Variants in CASK observed in about 807,000 individuals in gnomAD.
CASK encodes calcium/calmodulin dependent serine protein kinase.
A neutral mutation model predicts 82.9 loss-of-function variants in CASK; 4 were observed. The ratio of observed to expected loss-of-function variants is 0.05; its 90% CI spans 0.02 to 0.11. CASK has a LOEUF of 0.11. Ranked by LOEUF, CASK falls within the 10% of genes least tolerant of loss-of-function variation. CASK has a pLI of 1.00. For missense variants in CASK, 358 were observed against 720.9 expected, an observed-to-expected ratio of 0.50 and a Z score of 5.76; for synonymous variants, 259 against 253.5, an observed-to-expected ratio of 1.02 and a Z score of -0.20.
chrX:41,606,147 T>A (rs951918079), intron 12 of CASK, among the ~76,000 whole-genome samples: 7 of 112,810 alleles, frequency 6.2e-5, no homozygotes, highest in Admixed American at 2.8e-4. Flanking sequence ...ATGTAGCCTG[T>A]TAGCTGTGAA....
intron 1 of CASK, among the ~76,000 whole-genome samples, chrX:41,899,965 C>T (rs2072338733): frequency 9.0e-6 from 1 of 110,953 alleles, no homozygotes; most frequent in Non-Finnish European, 1.9e-5. Flanking sequence ...TGAACTCCCA[C>T]AGGGAAGTCT....
chrX:41,916,060 C>A (rs1421887701), intron 1 of CASK, among the ~76,000 whole-genome samples: 1 of 109,580 alleles, frequency 9.1e-6, no homozygotes, highest in Non-Finnish European at 1.9e-5. Flanking sequence ...GCTTGTAATC[C>A]CAGCTTGTTG....
At chrX:41,648,724 G>A (rs1421893215) in intron 8 of CASK, among the ~76,000 whole-genome samples, 1 of 111,587 alleles carries the variant, frequency 9.0e-6, no homozygotes, top group African/African-American at 3.3e-5. Flanking sequence ...CCTTTTTTTT[G>A]TTGTGTCTCT....
intron 12 of CASK, among the ~76,000 whole-genome samples, chrX:41,591,110 T>C (rs367796547): frequency 0.025 from 2,778 of 111,747 alleles, 96 homozygotes; most frequent in African/African-American, 0.085. Context: ...TTGTGGCTCG[T>C]CCACAAAAGT....
At chrX:41,900,854 T>C (rs1018985949) in intron 1 of CASK, among the ~76,000 whole-genome samples, 7 of 103,385 alleles carry the variant, frequency 6.8e-5, no homozygotes, top group Non-Finnish European at 5.9e-5. Context: ...CAAGCAATTC[T>C]CCTGCCTCAG....
rs1195147772 is a variant in CASK, at chrX:41,854,222, G to GCACACACA, written c.60-996_60-995insTGTGTGTG. Among the ~76,000 whole-genome samples, 252 of 83,478 alleles carry GCACACACA rather than the reference G, an allele frequency of 3.0e-3. 1 individual carries two copies. The highest frequency in any genetic ancestry group is 3.9e-3 in the Non-Finnish European group (168 of 43,255). The allele number at this position is 83,478 out of a possible 115,157, so 72.5% of individuals were successfully genotyped here. A position where few individuals can be genotyped will look rare whatever the true frequency, so the allele number is the denominator to read the frequency against. On this transcript the variant is annotated intron_variant, in intron 1 of 26. Coordinates refer to ENST00000378163, the MANE Select transcript of CASK (RefSeq NM_001367721.1). ...GGAACATGCGCGCGCGCGCGGGCGC[G>GCACACACA]CGCACACACACACACACACACACAC...
At chrX:41,524,560 G>A (rs1047402853) in intron 25 of CASK, 2 of 135,401 alleles carry the variant, frequency 1.5e-5, no homozygotes, top group Non-Finnish European at 2.9e-5. Flanking sequence ...ACCTTGCCCA[G>A]GGCTGGAGTT....
At chrX:41,577,002 A>G (rs896924025) in intron 15 of CASK, among the ~76,000 whole-genome samples, 4 of 112,333 alleles carry the variant, frequency 3.6e-5, no homozygotes, top group Non-Finnish European at 5.6e-5. Flanking sequence ...CTTTTCCCTT[A>G]ATCTAAAAGG....
intron 1 of CASK, among the ~76,000 whole-genome samples, chrX:41,906,454 A>G (rs2072471774): frequency 8.9e-6 from 1 of 112,639 alleles, no homozygotes; most frequent in Non-Finnish European, 1.9e-5. Flanking sequence ...AAAAAATTTG[A>G]GTCTGAACAC....
intron 3 of CASK, among the ~76,000 whole-genome samples, chrX:41,753,605 G>C (rs948763790): frequency 8.9e-6 from 1 of 112,539 alleles, no homozygotes; most frequent in African/African-American, 3.2e-5. Flanking sequence ...ATTAATAAAG[G>C]CCAGGTGCAA....
intron 8 of CASK, among the ~76,000 whole-genome samples, chrX:41,646,632 C>A (rs184569995): frequency 2.2e-3 from 242 of 111,714 alleles, no homozygotes; most frequent in African/African-American, 6.6e-3. Flanking sequence ...CTGTTGTTCC[C>A]ATTACCATCC....
At chrX:41,551,947 C>T (rs1170789763) in intron 21 of CASK, among the ~76,000 whole-genome samples, 2 of 104,214 alleles carry the variant, frequency 1.9e-5, no homozygotes, top group Non-Finnish European at 3.9e-5. Context: ...ATTTCCCGGA[C>T]ACAGAGTCTC....
chrX:41,830,023 C>T (rs778252310), intron 2 of CASK, among the ~76,000 whole-genome samples: 24 of 106,185 alleles, frequency 2.3e-4, no homozygotes, highest in Non-Finnish European at 4.1e-4. Flanking sequence ...TGTTTTGAGA[C>T]AGGGTCTCAC....
At chrX:41,731,359 G>T (rs1339672515) in intron 5 of CASK, among the ~76,000 whole-genome samples, 1 of 112,387 alleles carries the variant, frequency 8.9e-6, no homozygotes, top group Non-Finnish European at 1.9e-5. Flanking sequence ...GGTTGAGGCT[G>T]AAGTGAGCCA....
chrX:41,817,448 A>G (rs1005623014), intron 2 of CASK, among the ~76,000 whole-genome samples: 1 of 112,094 alleles, frequency 8.9e-6, no homozygotes, highest in Non-Finnish European at 1.9e-5. Context: ...TGTATTCAAG[A>G]TGACATAACT....
At chrX:41,875,845 A>T (rs2071806883) in intron 1 of CASK, among the ~76,000 whole-genome samples, 1 of 111,948 alleles carries the variant, frequency 8.9e-6, no homozygotes, top group Non-Finnish European at 1.9e-5. Flanking sequence ...AGGAACATAA[A>T]CATGAAAATG....
Position 41,571,256 on chromosome X carries a change from G to A in CASK, c.1504-1510C>T, listed in dbSNP as rs142636058. 2.0e-3 allele frequency among the ~76,000 whole-genome samples: 220 copies of A among 111,388 alleles called. 4 individuals are homozygous for A. The East Asian group carries it at 0.057, about 29-fold the overall frequency. On this transcript the variant is annotated intron_variant, in intron 15 of 26. Transcript: ENST00000378163. ...ATAGAATTGGTATTATTTCTCCATT[G>A]TATGTTTGACAGAATTTACCAGTGA...
chrX:41,882,804 A>G (rs1458832895), intron 1 of CASK, among the ~76,000 whole-genome samples: 2 of 111,541 alleles, frequency 1.8e-5, no homozygotes, highest in Non-Finnish European at 3.8e-5. Flanking sequence ...TTTACCCATC[A>G]CTGATGAACT....
intron 12 of CASK, among the ~76,000 whole-genome samples, chrX:41,608,821 C>G (rs901057752): frequency 2.1e-4 from 24 of 111,855 alleles, no homozygotes; most frequent in African/African-American, 7.8e-4. Flanking sequence ...GGGAATACAG[C>G]CTATTGCAAA....
Sources: gnomAD v4.1 joint callset for allele counts (sites outside exome capture counted in the v4.1 genomes callset) on GRCh38, gnomAD v4.1.1 for gene constraint, MANE v1.5 for transcripts, NCBI Gene and HGNC (gene_info 2026-07-23, HGNC 2026-07-21) for gene names.